The following BRDT variants were observed in gnomAD, a reference collection of about 807,000 sequenced individuals.
The protein encoded by BRDT is bromodomain testis-specific protein.
Under a neutral mutation model 113.9 loss-of-function variants are expected in BRDT, and 77 were observed. That is an observed-to-expected ratio of 0.68 (90% CI 0.56 to 0.82). BRDT has a LOEUF of 0.82. Ranked by LOEUF, BRDT falls within the 40% of genes least tolerant of loss-of-function variation. BRDT has a pLI of 0.00. For synonymous variants in BRDT, 358 were observed against 366.5 expected (o/e 0.98, Z 0.26); for missense variants, 1,027 against 1,105.4 (o/e 0.93, Z 1.01).
chr1:91,969,752 G>A (rs1438664627), intron 4 of BRDT, among the ~76,000 whole-genome samples: 2 of 151,100 alleles, frequency 1.3e-5, no homozygotes, highest in East Asian at 1.9e-4. Flanking sequence ...ACAGTTACCT[G>A]AGCATCTGAA....
At position 92,005,140 on chromosome 1, in the gene BRDT, T is replaced by C; in HGVS notation, c.2616T>C (p.Thr872=). ...ENQRDLGNGL[T]VESFSNKIQN... ...TAAGGGATCTTGGGAATGGATTGAC[T>C]GTAGAATCTTTTTCAAATAAAATAC... Residue 872 remains threonine, a synonymous_variant, in exon 18 of 19, where the codon ACT becomes ACC. Coordinates refer to ENST00000399546, the MANE Select transcript of BRDT (RefSeq NM_207189.4). 1 of 1,528,462 alleles carries C rather than the reference T, an allele frequency of 6.5e-7. No individual in the cohort carries two copies. Among genetic ancestry groups the C allele is most frequent in the Non-Finnish European group, 8.7e-7 (1 of 1,144,522 alleles). The allele number at this position is 1,528,462 out of a possible 1,614,324, so 94.7% of individuals were successfully genotyped here. A position where few individuals can be genotyped will look rare whatever the true frequency, so the allele number is the denominator to read the frequency against.
Position 91,949,479 on chromosome 1 carries a change from A to T in BRDT, c.-241A>T, listed in dbSNP as rs1680799026. On this transcript the variant is annotated 5_prime_UTR_variant, in exon 1 of 19. Coordinates refer to ENST00000399546, the MANE Select transcript of BRDT (RefSeq NM_207189.4). ...CATTTTGTGCAGCCTGAAAGGGGCAATCACATAAGGTCGGTTTTGTAATAT... is the reference window on the plus strand; with the variant it reads ...CATTTTGTGCAGCCTGAAAGGGGCATTCACATAAGGTCGGTTTTGTAATAT... 1.3e-5 allele frequency: 2 copies of T among 152,246 alleles called. No homozygotes were observed. The highest frequency in any genetic ancestry group is 4.8e-5 in the African/African-American group (2 of 41,464). 9.4% of individuals were successfully genotyped at this position (152,246 alleles called of 1,614,324 possible). A position where few individuals can be genotyped will look rare whatever the true frequency, so the allele number is the denominator to read the frequency against.
intron 18 of BRDT, among the ~76,000 whole-genome samples, chr1:92,005,997 A>G (rs1011893251): frequency 2.6e-5 from 4 of 152,188 alleles, no homozygotes; most frequent in African/African-American, 7.2e-5. Context: ...TTATTCATGG[A>G]TTATTTCAGA....
rs780732477 is a variant in BRDT at position 91,994,085 on chromosome 1, A to T, written c.2118A>T (p.Ile706=). ...TAACTTTGATTTTGTTTTAACAGAT[A>T]GGATATTGTGTGCAAGACACAACCT... ...PPEGRTGVTQ[I]GYCVQDTTSA... is the part of the protein sequence containing the mutation. The change falls in exon 15 of 19, where the codon ATA becomes ATT. Residue 706 remains isoleucine (I), a splice_region_variant and synonymous_variant. Coordinates refer to ENST00000399546, the MANE Select transcript of BRDT (RefSeq NM_207189.4). 6.3e-7 allele frequency: 1 copy of T among 1,596,056 alleles called. No homozygotes were observed. The highest frequency in any genetic ancestry group is 1.8e-5 in the Admixed American group (1 of 55,320).
At chr1:92,003,414 C>T (rs1242610856) in intron 16 of BRDT, among the ~76,000 whole-genome samples, 1 of 151,982 alleles carries the variant, frequency 6.6e-6, no homozygotes, top group African/African-American at 2.4e-5. Context: ...GCCCTCTTTC[C>T]GTATTATAGA....
Position 92,009,667 on chromosome 1 carries a change from A to G in BRDT, c.2775+4368A>G, listed in dbSNP as rs187222329. On this transcript the variant is annotated intron_variant, in intron 18 of 18. Transcript: ENST00000399546. ...CAGGCTCAAGCGATCCTCCTACCCC[A>G]ACCCCCCAGTAGCTGGGACCACAGG... Among the ~76,000 whole-genome samples, 829 of 147,760 alleles carry G rather than the reference A, an allele frequency of 5.6e-3. 5 individuals carry two copies. Among genetic ancestry groups the G allele is most frequent in the Middle Eastern group, 0.025 (7 of 276 alleles).
intron 4 of BRDT, among the ~76,000 whole-genome samples, chr1:91,972,414 A>T (rs1271227010): frequency 6.6e-6 from 1 of 151,950 alleles, no homozygotes; most frequent in East Asian, 1.9e-4. Flanking sequence ...TTCCTTCCTA[A>T]CACTTAGCAT....
intron 15 of BRDT, among the ~76,000 whole-genome samples, chr1:92,000,206 T>C (rs1338303592): frequency 6.6e-6 from 1 of 152,236 alleles, no homozygotes; most frequent in African/African-American, 2.4e-5. Context: ...CCTTCCTCTT[T>C]AATTGTCAAT....
rs952910612 is a variant in BRDT at position 91,977,103 on chromosome 1, G to A, written c.679G>A (p.Ala227Thr). The A allele has an allele frequency of 3.1e-6, 5 of 1,613,534 alleles. No homozygotes were observed. The highest frequency in any genetic ancestry group is 3.4e-6 in the Non-Finnish European group (4 of 1,179,810). The change falls in exon 6 of 19, where the codon GCA (alanine) becomes ACA (threonine). Residue 227 changes from alanine to threonine, a missense_variant. Transcript: ENST00000399546. Reference protein sequence around the residue: ...TTTPATSAVKASSEFSPTFTE... With the variant: ...TTTPATSAVKTSSEFSPTFTE... ...AACTCCTGCAACTTCAGCAGTTAAA[G>A]CAAGTAGTGAATTTTCTCCAACATT...
At chr1:91,966,001 A>G (rs1295089685) in intron 3 of BRDT, among the ~76,000 whole-genome samples, 1 of 152,126 alleles carries the variant, frequency 6.6e-6, no homozygotes, top group Non-Finnish European at 1.5e-5. Context: ...GAATTTGCCC[A>G]TATGATATAT....
intron 14 of BRDT, among the ~76,000 whole-genome samples, chr1:91,993,128 G>C (rs939596439): frequency 6.6e-6 from 1 of 151,596 alleles, no homozygotes; most frequent in African/African-American, 2.4e-5. Context: ...TTTTTCTTTG[G>C]CTGATTTAAA....
chr1:91,991,982 ACT>A (rs1461370658), intron 13 of BRDT, among the ~76,000 whole-genome samples: 14 of 120,424 alleles, frequency 1.2e-4, no homozygotes, highest in African/African-American at 3.7e-4. Context: ...ACAGAGCAAG[ACT>A]CTGTCTCAAA....
chr1:92,009,864 C>G (rs548979671), intron 18 of BRDT, among the ~76,000 whole-genome samples: 1 of 152,026 alleles, frequency 6.6e-6, no homozygotes, highest in African/African-American at 2.4e-5. Flanking sequence ...AGCCACTGTG[C>G]CTGGCCCTGC....
At chr1:92,006,637 T>C (rs1447886683) in intron 18 of BRDT, among the ~76,000 whole-genome samples, 4 of 151,598 alleles carry the variant, frequency 2.6e-5, no homozygotes, top group Non-Finnish European at 4.4e-5. Flanking sequence ...TGGCTAATGT[T>C]TTGTATTTTT....
chr1:92,003,767 A>G (rs998261352), intron 16 of BRDT, among the ~76,000 whole-genome samples: 6 of 152,166 alleles, frequency 3.9e-5, no homozygotes, highest in African/African-American at 1.4e-4. Context: ...TGTCTTTTAT[A>G]TTGATTACCT....
intron 15 of BRDT, among the ~76,000 whole-genome samples, chr1:91,997,674 C>T (rs1480706101): frequency 6.6e-6 from 1 of 152,198 alleles, no homozygotes; most frequent in Non-Finnish European, 1.5e-5. Context: ...TATTATATTA[C>T]TTGAAATTCT....
rs762488892 is a variant in BRDT, at chr1:92,004,536, A to G, written c.2511A>G (p.Glu837=). The G allele has an allele frequency of 5.0e-6, 8 of 1,613,598 alleles. No individual in the cohort carries two copies. In the South Asian group the frequency reaches 6.6e-5, roughly 13 times the overall value. Reference sequence around the variant, plus strand: ...TTAGAAAAGCAGCCATAGAAAAGGAAGTAAAAGCTCGGACACAGGAACTCA... The same window carrying G: ...TTAGAAAAGCAGCCATAGAAAAGGAGGTAAAAGCTCGGACACAGGAACTCA... ...NQFRKAAIEK[E]VKARTQELIR... is the part of the protein sequence containing the mutation. Residue 837 remains glutamate (E), a synonymous_variant, in exon 17 of 19, where the codon GAA becomes GAG. Coordinates refer to ENST00000399546, the MANE Select transcript of BRDT (RefSeq NM_207189.4).
At chr1:91,976,847 G>A (rs1283554889) in intron 5 of BRDT, among the ~76,000 whole-genome samples, 196 bp from the exon 6 acceptor site, 1 of 152,040 alleles carries the variant, frequency 6.6e-6, no homozygotes, top group Non-Finnish European at 1.5e-5. Context: ...GATAATATTC[G>A]AACTATTTAG....
chr1:91,971,351 A>G (rs1181162468), intron 4 of BRDT, among the ~76,000 whole-genome samples: 4 of 152,202 alleles, frequency 2.6e-5, no homozygotes, highest in Non-Finnish European at 5.9e-5. Context: ...TTTAGAGGTG[A>G]TACAAGTTAT....
Sources: allele counts gnomAD v4.1 joint callset (sites outside exome capture counted in the v4.1 genomes callset), GRCh38; gene constraint gnomAD v4.1.1; transcripts MANE v1.5; gene names NCBI Gene and HGNC (gene_info 2026-07-23, HGNC 2026-07-21).